Variants in MAGI2 observed in about 807,000 individuals in gnomAD.
The protein encoded by MAGI2 is membrane associated guanylate kinase, WW and PDZ domain containing 2.
MAGI2 carries 35 observed loss-of-function variants against 133.3 expected under a neutral mutation model. The ratio of observed to expected loss-of-function variants is 0.26; its 90% CI spans 0.20 to 0.35. The LOEUF is 0.35. Among genes scored for constraint, MAGI2 ranks in the 10% least tolerant of loss-of-function variants. MAGI2 has a pLI of 1.00. For missense variants in MAGI2, 1,636 were observed against 1,863.4 expected (o/e 0.88, Z 2.25); for synonymous variants, 729 against 710.6 (o/e 1.03, Z -0.41).
chr7:79,433,367 C>T (rs1474406682), intron 1 of MAGI2, among the ~76,000 whole-genome samples: 1 of 151,964 alleles, frequency 6.6e-6, no homozygotes, highest in African/African-American at 2.4e-5. Context: ...CTGGCTAACA[C>T]GGTGAAACCC....
intron 2 of MAGI2, among the ~76,000 whole-genome samples, chr7:78,644,354 A>G (rs1312338384): frequency 6.6e-6 from 1 of 152,136 alleles, no homozygotes; most frequent in Non-Finnish European, 1.5e-5. Flanking sequence ...ACTTAACAAT[A>G]TACACTATTT....
intron 3 of MAGI2, among the ~76,000 whole-genome samples, chr7:78,595,557 T>G (rs1000688257): frequency 2.0e-5 from 3 of 151,642 alleles, no homozygotes; most frequent in African/African-American, 7.3e-5. Flanking sequence ...ACCTAGAATA[T>G]AAGAATTCGT....
In MAGI2 at chr7:78,447,345, A is replaced by G. The variant is rs186744295; in HGVS notation, c.1045+42416T>C. Among the ~76,000 whole-genome samples, 815 of 152,048 alleles carry G rather than the reference A, an allele frequency of 5.4e-3. 6 individuals are homozygous for G. Among genetic ancestry groups the G allele is most frequent in the Admixed American group, 7.2e-3 (110 of 15,252 alleles). ...TTTTTTTGTGAACAAATGTCATGTT[A>G]AAGGGATTACATTTTTTGTGTTTCC... On this transcript the variant is annotated intron_variant, in intron 6 of 21. Coordinates refer to ENST00000354212, the MANE Select transcript of MAGI2 (RefSeq NM_012301.4).
At chr7:79,410,875 A>C (rs1385742864) in intron 1 of MAGI2, 2 of 152,134 alleles carry the variant, frequency 1.3e-5, no homozygotes, top group Non-Finnish European at 2.9e-5. Flanking sequence ...CTATATTTTC[A>C]GTTTTGTTCA....
chr7:78,856,946 T>C (rs1471005726), intron 2 of MAGI2, among the ~76,000 whole-genome samples: 1 of 152,166 alleles, frequency 6.6e-6, no homozygotes, highest in Non-Finnish European at 1.5e-5. Context: ...GGTTTGTAGT[T>C]CTCCTTGAAG....
At chr7:79,444,658 T>G (rs963572193) in intron 1 of MAGI2, among the ~76,000 whole-genome samples, 25 of 151,874 alleles carry the variant, frequency 1.6e-4, no homozygotes, top group South Asian at 1.5e-3. Flanking sequence ...TCAATGAAAT[T>G]AAAGAGGATA....
chr7:79,426,670 A>G (rs1847392019), intron 1 of MAGI2, among the ~76,000 whole-genome samples: 1 of 152,186 alleles, frequency 6.6e-6, no homozygotes, highest in African/African-American at 2.4e-5. Context: ...CAAATTAATC[A>G]GGGATGCACA....
intron 3 of MAGI2, among the ~76,000 whole-genome samples, chr7:78,548,581 G>A (rs546990336): frequency 3.3e-5 from 5 of 152,164 alleles, no homozygotes; most frequent in Non-Finnish European, 4.4e-5. Flanking sequence ...TGTAATCCCA[G>A]CTACTTGGGA....
intron 21 of MAGI2, among the ~76,000 whole-genome samples, chr7:78,064,887 G>T (rs1369720941): frequency 6.6e-6 from 1 of 152,002 alleles, no homozygotes; most frequent in Non-Finnish European, 1.5e-5. Context: ...CTTTCCTTGA[G>T]ATTTTTTAAC....
chr7:78,964,439 T>C (rs1375570493), intron 2 of MAGI2, among the ~76,000 whole-genome samples: 1 of 152,066 alleles, frequency 6.6e-6, no homozygotes, highest in Non-Finnish European at 1.5e-5. Context: ...CGTGGTTTAA[T>C]GTTTTGGTGA....
intron 21 of MAGI2, among the ~76,000 whole-genome samples, chr7:78,041,478 C>T (rs1232760272): frequency 1.3e-5 from 2 of 152,076 alleles, no homozygotes; most frequent in Non-Finnish European, 2.9e-5. Flanking sequence ...GAGTTTGAGA[C>T]CACCCTGGGC....
At chr7:78,543,837 T>C (rs571501599) in intron 3 of MAGI2, among the ~76,000 whole-genome samples, 1 of 152,372 alleles carries the variant, frequency 6.6e-6, no homozygotes, top group South Asian at 2.1e-4. Flanking sequence ...TAATATGAAC[T>C]TTTTAGTCAT....
intron 2 of MAGI2, among the ~76,000 whole-genome samples, chr7:78,739,943 C>G (rs932210139): frequency 1.7e-4 from 26 of 152,038 alleles, no homozygotes; most frequent in South Asian, 8.3e-4. Flanking sequence ...CGGATCACGA[C>G]GTCAGGAGAT....
intron 1 of MAGI2, among the ~76,000 whole-genome samples, chr7:79,159,296 C>A (rs1347218691): frequency 1.3e-5 from 2 of 151,662 alleles, no homozygotes; most frequent in East Asian, 3.9e-4. Flanking sequence ...GGAGGATCAC[C>A]TGAGGTCAGG....
In MAGI2 at chr7:78,194,996, T is replaced by A. The variant is rs1828589021; in HGVS notation, c.2147A>T (p.Asn716Ile). 1 of 1,614,126 alleles carries A rather than the reference T, an allele frequency of 6.2e-7. No homozygotes were observed. Among genetic ancestry groups the A allele is most frequent in the Non-Finnish European group, 8.5e-7 (1 of 1,179,968 alleles). The change falls in exon 12 of 22, where the codon AAC (asparagine) becomes ATC (isoleucine). Residue 716 changes from asparagine to isoleucine, a missense_variant. By Grantham distance (149) the Asn-to-Ile change is moderately radical (BLOSUM62 -3). Coordinates refer to ENST00000354212, the MANE Select transcript of MAGI2 (RefSeq NM_012301.4). Reference sequence around the variant, plus strand: ...GTGAAGGGCAGGTGGGAAGGGCAGGTTCTGCGGTATGGCCGGAGCAGATAA... The same window carrying A: ...GTGAAGGGCAGGTGGGAAGGGCAGGATCTGCGGTATGGCCGGAGCAGATAA... Reference protein sequence around the residue: ...TSLSAPAIPQNLPFPPALHRS... With the variant: ...TSLSAPAIPQILPFPPALHRS...
chr7:78,170,150 T>A (rs925729667), intron 14 of MAGI2: 2 of 152,162 alleles, frequency 1.3e-5, no homozygotes, highest in Admixed American at 6.5e-5. Context: ...TCTTGGCTGG[T>A]TAATAATCAA....
At chr7:79,163,931 T>C (rs1419822759) in intron 1 of MAGI2, among the ~76,000 whole-genome samples, 1 of 152,102 alleles carries the variant, frequency 6.6e-6, no homozygotes, top group African/African-American at 2.4e-5. Context: ...TTTTCTTCTT[T>C]TTTTTAGACT....
intron 2 of MAGI2, among the ~76,000 whole-genome samples, chr7:78,999,691 T>C (rs1032936108): frequency 6.6e-6 from 1 of 152,204 alleles, no homozygotes; most frequent in East Asian, 1.9e-4. Flanking sequence ...CTTTCAAGTA[T>C]ATGCTACTGT....
Position 79,111,958 on chromosome 7 carries a change from C to T in MAGI2, c.302-104752G>A, listed in dbSNP as rs559590599. ...CTGGGATTACAGGTGTGAGCCACTG[C>T]GCCCAGCCCATATAGAGATTTTAAC... is the stretch of plus-strand genomic sequence containing the variant. On this transcript the variant is annotated intron_variant, in intron 1 of 21. Coordinates refer to ENST00000354212, the MANE Select transcript of MAGI2 (RefSeq NM_012301.4). 8.5e-5 allele frequency among the ~76,000 whole-genome samples: 13 copies of T among 152,146 alleles called. No individual in the cohort carries two copies. The South Asian group carries it at 1.2e-3, about 15-fold the overall frequency.
Sources: allele counts gnomAD v4.1 joint callset (sites outside exome capture counted in the v4.1 genomes callset), GRCh38; gene constraint gnomAD v4.1.1; transcripts MANE v1.5; gene names NCBI Gene and HGNC (gene_info 2026-07-23, HGNC 2026-07-21).